The following PTPRT variants were observed in gnomAD, a reference collection of about 807,000 sequenced individuals.
PTPRT encodes the protein receptor-type tyrosine-protein phosphatase T.
In PTPRT, 56 loss-of-function variants were observed where a neutral mutation model predicts 176.8. That is an observed-to-expected ratio of 0.32 (90% confidence interval 0.26 to 0.40). PTPRT has a LOEUF of 0.40. Ranked by LOEUF, PTPRT falls within the 10% of genes least tolerant of loss-of-function variation. The pLI is 1.00. For synonymous variants in PTPRT, 783 were observed against 739.0 expected (o/e 1.06, Z -0.96); for missense variants, 1,540 against 1,908.2 (o/e 0.81, Z 3.60).
chr20:43,182,570 T>C (rs1266360880), intron 1 of PTPRT, among the ~76,000 whole-genome samples: 1 of 152,152 alleles, frequency 6.6e-6, no homozygotes, highest in Non-Finnish European at 1.5e-5. Flanking sequence ...TTTGTATTTA[T>C]AGTAGAGCTG....
chr20:42,214,541 C>A (rs1013751192), intron 15 of PTPRT, among the ~76,000 whole-genome samples: 1 of 152,214 alleles, frequency 6.6e-6, no homozygotes, highest in Non-Finnish European at 1.5e-5. Flanking sequence ...GACGTCATGA[C>A]AATTTGAAAG....
intron 7 of PTPRT, among the ~76,000 whole-genome samples, chr20:42,613,205 A>G (rs973332875): frequency 4.6e-5 from 7 of 152,218 alleles, no homozygotes; most frequent in African/African-American, 9.6e-5. Flanking sequence ...TTACAGCCCA[A>G]TGGCTTTCTG....
intron 7 of PTPRT, among the ~76,000 whole-genome samples, chr20:42,522,026 A>G (rs1233519091): frequency 6.6e-6 from 1 of 151,946 alleles, no homozygotes; most frequent in Non-Finnish European, 1.5e-5. Flanking sequence ...TCAGAAAAAG[A>G]AATAGTACAA....
chr20:42,482,058 C>T (rs2071397158), intron 7 of PTPRT, among the ~76,000 whole-genome samples: 1 of 152,178 alleles, frequency 6.6e-6, no homozygotes. Flanking sequence ...AATATTTAGT[C>T]TAGAGGCCAA....
chr20:42,464,168 A>G (rs1432516821), intron 8 of PTPRT, among the ~76,000 whole-genome samples: 1 of 152,194 alleles, frequency 6.6e-6, no homozygotes, highest in Non-Finnish European at 1.5e-5. Context: ...CCATCTTCAC[A>G]AACAATACCC....
chr20:42,878,912 C>T (rs2078973310), intron 2 of PTPRT, among the ~76,000 whole-genome samples: 1 of 152,048 alleles, frequency 6.6e-6, no homozygotes, highest in African/African-American at 2.4e-5. Flanking sequence ...GCCTGTAGTC[C>T]CAGCTACTCG....
chr20:42,862,782 A>G (rs1007069214), intron 2 of PTPRT, among the ~76,000 whole-genome samples: 1 of 152,180 alleles, frequency 6.6e-6, no homozygotes, highest in African/African-American at 2.4e-5. Context: ...TACAGCCCAT[A>G]TCGGCTGGGT....
intron 6 of PTPRT, among the ~76,000 whole-genome samples, chr20:42,709,596 C>T (rs2076113583): frequency 6.6e-6 from 1 of 152,140 alleles, no homozygotes; most frequent in South Asian, 2.1e-4. Flanking sequence ...ATTACCCAAC[C>T]TCAGATATTC....
At chr20:42,781,577 T>A (rs1371302557) in intron 3 of PTPRT, among the ~76,000 whole-genome samples, 1 of 152,188 alleles carries the variant, frequency 6.6e-6, no homozygotes, top group African/African-American at 2.4e-5. Context: ...AATTTTGACA[T>A]GTCAACAGCT....
chr20:42,692,734 T>TTG (rs2075810964), intron 6 of PTPRT, among the ~76,000 whole-genome samples: 1 of 152,194 alleles, frequency 6.6e-6, no homozygotes, highest in African/African-American at 2.4e-5. Flanking sequence ...GACTACATAA[T>TTG]TGTGTGTGTA....
chr20:42,182,067 A>G (rs1199364450), intron 16 of PTPRT, among the ~76,000 whole-genome samples: 1 of 152,180 alleles, frequency 6.6e-6, no homozygotes, highest in African/African-American at 2.4e-5. Flanking sequence ...ATATTTTGGG[A>G]AATGCTTAGT....
chr20:42,299,641 C>CTTTTTTTT (rs34045854), intron 12 of PTPRT, among the ~76,000 whole-genome samples: 37 of 85,982 alleles, frequency 4.3e-4, no homozygotes, highest in African/African-American at 6.4e-4. Flanking sequence ...GAACTTTTGC[C>CTTTTTTTT]TTTTTTTTTT....
At chr20:42,621,091 G>A (rs973006574) in intron 7 of PTPRT, among the ~76,000 whole-genome samples, 8 of 152,170 alleles carry the variant, frequency 5.3e-5, no homozygotes, top group Non-Finnish European at 1.2e-4. Flanking sequence ...CAACAAGTGG[G>A]AATTATGGGA....
intron 1 of PTPRT, among the ~76,000 whole-genome samples, chr20:43,165,221 C>T (rs1187846230): frequency 6.0e-5 from 9 of 150,888 alleles, no homozygotes; most frequent in Admixed American, 5.9e-4. Flanking sequence ...TGCAATGGCG[C>T]AATGTCGGCT....
At chr20:42,575,524 A>G (rs1196514592) in intron 7 of PTPRT, among the ~76,000 whole-genome samples, 1 of 152,098 alleles carries the variant, frequency 6.6e-6, no homozygotes, top group African/African-American at 2.4e-5. Flanking sequence ...ATCTTTCTGT[A>G]ACCTCACTTC....
intron 1 of PTPRT, among the ~76,000 whole-genome samples, chr20:43,100,075 C>G (rs2012329492): frequency 6.6e-6 from 1 of 152,116 alleles, no homozygotes; most frequent in African/African-American, 2.4e-5. Flanking sequence ...TTTATAAATT[C>G]AAGAATATAG....
intron 12 of PTPRT, among the ~76,000 whole-genome samples, chr20:42,306,497 T>A (rs1488932066): frequency 1.3e-5 from 2 of 152,140 alleles, no homozygotes; most frequent in Admixed American, 6.5e-5. Context: ...TAAGGAGTAA[T>A]GGAAAGGTTG....
At chr20:42,765,325 G>C (rs944688013) in intron 5 of PTPRT, among the ~76,000 whole-genome samples, 1 of 152,150 alleles carries the variant, frequency 6.6e-6, no homozygotes, top group East Asian at 1.9e-4. Flanking sequence ...CATGCTCCTT[G>C]ATAAAGACAG....
intron 5 of PTPRT, among the ~76,000 whole-genome samples, chr20:42,765,252 T>C (rs1222328775): frequency 2.0e-5 from 3 of 152,296 alleles, no homozygotes; most frequent in East Asian, 1.9e-4. Context: ...GTCAGCTCCA[T>C]GGTGGGGCTG....
Sources: allele counts gnomAD v4.1 joint callset (sites outside exome capture counted in the v4.1 genomes callset), GRCh38; gene constraint gnomAD v4.1.1; transcripts MANE v1.5; gene names NCBI Gene and HGNC (gene_info 2026-07-23, HGNC 2026-07-21).